The following KIAA0586 variants were observed in gnomAD, a reference collection of about 807,000 sequenced individuals.
The protein encoded by KIAA0586 is protein TALPID3.
KIAA0586 carries 144 observed loss-of-function variants against 169.8 expected under a neutral mutation model. The ratio of observed to expected loss-of-function variants is 0.85; its 90% CI spans 0.74 to 0.97. KIAA0586 has a LOEUF of 0.97. Ranked by LOEUF, KIAA0586 falls within the 50% of genes least tolerant of loss-of-function variation. KIAA0586 has a pLI of 0.00. For missense variants in KIAA0586, 1,854 were observed against 1,823.0 expected (o/e 1.02, Z -0.31); for synonymous variants, 625 against 612.4 (o/e 1.02, Z -0.30).
chr14:58,545,366 T>C (rs896697367), intron 30 of KIAA0586, among the ~76,000 whole-genome samples: 5 of 152,240 alleles, frequency 3.3e-5, no homozygotes, highest in Admixed American at 6.5e-5. Flanking sequence ...ATAGCTCTTA[T>C]TACAACATTG....
At position 58,445,929 on chromosome 14, in the gene KIAA0586, C is replaced by T. The variant is rs917105359; in HGVS notation, c.807+1754C>T. ...TATCGCCCAAACTGGAGTGCAGTGGCGCAATCTCAGTTCACTGCAGCCTCC... is the reference window on the plus strand; with the variant it reads ...TATCGCCCAAACTGGAGTGCAGTGGTGCAATCTCAGTTCACTGCAGCCTCC... On this transcript the variant is annotated intron_variant, in intron 6 of 30. Transcript: ENST00000652326. Among the ~76,000 whole-genome samples, 5 of 151,196 alleles carry T rather than the reference C, an allele frequency of 3.3e-5. No individual in the cohort carries two copies. In the East Asian group the frequency reaches 6.0e-4, roughly 18 times the overall value.
At chr14:58,499,536 G>T (rs2043404922) in intron 27 of KIAA0586, among the ~76,000 whole-genome samples, 1 of 151,578 alleles carries the variant, frequency 6.6e-6, no homozygotes, top group Admixed American at 6.6e-5. Flanking sequence ...ACAGGTGTGA[G>T]CCACCGCGCC....
chr14:58,494,205 C>G (rs1056843290), intron 26 of KIAA0586, among the ~76,000 whole-genome samples: 4 of 149,184 alleles, frequency 2.7e-5, no homozygotes, highest in Non-Finnish European at 5.9e-5. Flanking sequence ...AATTTTCTGT[C>G]TTTCTTTTCT....
At chr14:58,482,812 C>A in intron 21 of KIAA0586, 100 bp downstream of exon 21, 1 of 862,084 alleles carries the variant, frequency 1.2e-6, no homozygotes, top group Non-Finnish European at 1.7e-6. Flanking sequence ...GTATTATTAT[C>A]ATTTTTAGAG....
intron 27 of KIAA0586, among the ~76,000 whole-genome samples, chr14:58,502,417 C>T (rs762952780): frequency 9.9e-5 from 15 of 152,098 alleles, no homozygotes; most frequent in Non-Finnish European, 2.1e-4. Flanking sequence ...TGGGATTACA[C>T]GTGTGAGCCA....
At chr14:58,516,220 A>G (rs1267810983) in intron 29 of KIAA0586, among the ~76,000 whole-genome samples, 3 of 152,226 alleles carry the variant, frequency 2.0e-5, no homozygotes, top group Non-Finnish European at 4.4e-5. Context: ...TTGTGGGGAA[A>G]GGCAGAGAGT....
chr14:58,490,744 A>G lies in KIAA0586; in HGVS notation c.3858+504A>G, dbSNP rs185437747. ...AGTTGGTATTTAAAAATATCACATTATATATAAATATATAGAAGTGATAGT... is the reference window on the plus strand; with the variant it reads ...AGTTGGTATTTAAAAATATCACATTGTATATAAATATATAGAAGTGATAGT... On this transcript the variant is annotated intron_variant, in intron 25 of 30. Transcript: ENST00000652326. 4.6e-5 allele frequency among the ~76,000 whole-genome samples: 7 copies of G among 152,224 alleles called. No individual in the cohort carries two copies. The South Asian group carries it at 6.2e-4, about 14-fold the overall frequency.
At chr14:58,484,017 T>C (rs1290555297) in intron 21 of KIAA0586, among the ~76,000 whole-genome samples, 1 of 152,182 alleles carries the variant, frequency 6.6e-6, no homozygotes, top group African/African-American at 2.4e-5. Context: ...CTATGCCAAT[T>C]ACTTTGGTTT....
chr14:58,453,077 C>G (rs1485645757), intron 8 of KIAA0586, among the ~76,000 whole-genome samples: 2 of 151,872 alleles, frequency 1.3e-5, no homozygotes, highest in Non-Finnish European at 2.9e-5. Flanking sequence ...ACCACCATAC[C>G]CAGCTAATTT....
At chr14:58,553,863 A>T (rs1318904750), downstream of KIAA0586, among the ~76,000 whole-genome samples, 1 of 152,220 alleles carries the variant, frequency 6.6e-6, no homozygotes, top group Non-Finnish European at 1.5e-5. Flanking sequence ...TAAGTAGCTT[A>T]AAACAATCAT....
intron 2 of KIAA0586, 49 bp downstream of exon 2, chr14:58,429,482 G>A (rs575541539): frequency 4.9e-5 from 47 of 965,084 alleles, no homozygotes; most frequent in Non-Finnish European, 7.1e-5. Context: ...TTTCAGTATT[G>A]TCAAATAATG....
chr14:58,539,830 C>G (rs551569025), intron 29 of KIAA0586: 18 of 311,104 alleles, frequency 5.8e-5, no homozygotes, highest in East Asian at 3.7e-4. Context: ...GCTTCCCCCC[C>G]CCATCTGTGA....
intron 14 of KIAA0586, among the ~76,000 whole-genome samples, chr14:58,462,140 A>G (rs1486059191): frequency 6.6e-6 from 1 of 152,196 alleles, no homozygotes. Flanking sequence ...GTCAGGTTAT[A>G]TAGAAATTTT....
chr14:58,439,846 T>A (rs1440858304), intron 4 of KIAA0586: 2 of 984,084 alleles, frequency 2.0e-6, no homozygotes, highest in Admixed American at 6.2e-5. Flanking sequence ...GGAGATGGAA[T>A]GTATTCCTGC....
At chr14:58,509,459 AG>A in intron 28 of KIAA0586, among the ~76,000 whole-genome samples, 6 of 152,314 alleles carry the variant, frequency 3.9e-5, no homozygotes, top group Admixed American at 3.9e-4. Context: ...CTGAAAAAAT[AG>A]GTTAATTACT....
At chr14:58,515,221 A>G (rs2044667302) in intron 29 of KIAA0586, among the ~76,000 whole-genome samples, 4 of 152,086 alleles carry the variant, frequency 2.6e-5, no homozygotes, top group Admixed American at 2.6e-4. Flanking sequence ...AGTTTTTCTT[A>G]TTTGTAGATT....
intron 25 of KIAA0586, 149 bp downstream of exon 25, chr14:58,490,389 C>T: frequency 4.3e-6 from 2 of 460,772 alleles, no homozygotes; most frequent in Admixed American, 8.6e-5. Context: ...GTTTCTTGCA[C>T]ATTTCATTAT....
chr14:58,477,567 A>G (rs760609676), intron 20 of KIAA0586, among the ~76,000 whole-genome samples: 32 of 152,178 alleles, frequency 2.1e-4, no homozygotes, highest in Non-Finnish European at 1.6e-4. Context: ...TCTTTATACT[A>G]TAAATTACTC....
At chr14:58,490,288 T>C in intron 25 of KIAA0586, 48 bp downstream of exon 25, 1 of 1,092,996 alleles carries the variant, frequency 9.1e-7, no homozygotes, top group Non-Finnish European at 1.3e-6. Context: ...GAAGAATATC[T>C]GTATGAATTG....
Sources: gnomAD v4.1 joint callset for allele counts (sites outside exome capture counted in the v4.1 genomes callset) on GRCh38, gnomAD v4.1.1 for gene constraint, MANE v1.5 for transcripts, NCBI Gene and HGNC (gene_info 2026-07-23, HGNC 2026-07-21) for gene names.